The following SH2D4A variants were observed in gnomAD, a reference collection of about 807,000 sequenced individuals.
The protein encoded by SH2D4A is SH2 domain-containing protein 4A.
Under a neutral mutation model 64.7 loss-of-function variants are expected in SH2D4A, and 70 were observed. The observed-to-expected ratio is 1.08, with a 90% CI of 0.89 to 1.32. SH2D4A has a LOEUF of 1.32. Ranked by LOEUF, SH2D4A falls within the 40% of genes most tolerant of loss-of-function variation. SH2D4A has a pLI of 0.00. For synonymous variants in SH2D4A, 268 were observed against 200.7 expected (o/e 1.34, Z -2.83); for missense variants, 706 against 540.1 (o/e 1.31, Z -3.04).
intron 6 of SH2D4A, among the ~76,000 whole-genome samples, chr8:19,362,541 A>G (rs1306891862): frequency 1.3e-5 from 2 of 152,154 alleles, no homozygotes; most frequent in Non-Finnish European, 2.9e-5. Flanking sequence ...TGAGTTCAAG[A>G]CCAGCCTGGC....
At chr8:19,316,227 G>A (rs2052085461) in intron 1 of SH2D4A, among the ~76,000 whole-genome samples, 2 of 152,216 alleles carry the variant, frequency 1.3e-5, no homozygotes, top group Admixed American at 1.3e-4. Context: ...ATTCTTGGAG[G>A]CACAAGGAAG....
intron 4 of SH2D4A, among the ~76,000 whole-genome samples, chr8:19,354,458 C>T (rs1451970122): frequency 6.6e-6 from 1 of 152,174 alleles, no homozygotes; most frequent in Non-Finnish European, 1.5e-5. Context: ...CACTTTAGTG[C>T]CCAGTGACAT....
chr8:19,319,256 TC>T, intron 1 of SH2D4A, 87 bp from the exon 2 acceptor site: 1 of 1,006,694 alleles, frequency 9.9e-7, no homozygotes, highest in Non-Finnish European at 1.2e-6. Context: ...ATACTGTGTT[TC>T]CTCCTAGCTT....
chr8:19,343,099 C>T (rs2052554629), intron 4 of SH2D4A, among the ~76,000 whole-genome samples: 1 of 152,106 alleles, frequency 6.6e-6, no homozygotes, highest in African/African-American at 2.4e-5. Flanking sequence ...ATCTCATAAA[C>T]CTCTGCAACC....
At chr8:19,337,168 C>T (rs1030587116) in intron 4 of SH2D4A, among the ~76,000 whole-genome samples, 2 of 152,012 alleles carry the variant, frequency 1.3e-5, no homozygotes, top group Admixed American at 6.6e-5. Context: ...TTATCTTTCC[C>T]TGTGTCAGAG....
At position 19,364,234 on chromosome 8, in the gene SH2D4A, C is replaced by T. The variant is rs1373137822; in HGVS notation, c.869C>T (p.Pro290Leu). ...PQKPERPPLP[P>L]KPQFLNSGAY... ...AAACCAGAAAGACCTCCCCTTCCACCCAAGCCTCAGTTCCTAAACTCAGGG... is the reference window on the plus strand; with the variant it reads ...AAACCAGAAAGACCTCCCCTTCCACTCAAGCCTCAGTTCCTAAACTCAGGG... Residue 290 changes from proline to leucine, a missense_variant, in exon 7 of 10, where the codon CCC (proline) becomes CTC (leucine). Physicochemically the swap from Pro to Leu is moderately conservative, Grantham distance 98. Coordinates refer to ENST00000265807, the MANE Select transcript of SH2D4A (RefSeq NM_022071.4). 1.2e-6 allele frequency: 2 copies of T among 1,614,200 alleles called. No homozygotes were observed.
chr8:19,354,168 T>G (rs2052753998), intron 4 of SH2D4A, among the ~76,000 whole-genome samples: 2 of 151,944 alleles, frequency 1.3e-5, no homozygotes, highest in African/African-American at 4.8e-5. Context: ...TGCCAGCTAA[T>G]TTTTGTATTT....
chr8:19,373,025 G>A (rs2053130112), intron 7 of SH2D4A, among the ~76,000 whole-genome samples: 1 of 151,772 alleles, frequency 6.6e-6, no homozygotes, highest in Non-Finnish European at 1.5e-5. Flanking sequence ...AATGTGCTGG[G>A]GTAAAAGTGT....
chr8:19,372,949 A>T (rs1406545041), intron 7 of SH2D4A, among the ~76,000 whole-genome samples: 1 of 152,050 alleles, frequency 6.6e-6, no homozygotes, highest in African/African-American at 2.4e-5. Flanking sequence ...TAATGCAAAC[A>T]TTAGGAAAGA....
At chr8:19,378,089 T>C (rs796074724) in intron 8 of SH2D4A, among the ~76,000 whole-genome samples, 6 of 152,346 alleles carry the variant, frequency 3.9e-5, no homozygotes, top group African/African-American at 1.4e-4. Context: ...AGGTCTTCTG[T>C]AATTACTTAT....
chr8:19,333,110 C>A lies in SH2D4A; in HGVS notation c.337C>A (p.Pro113Thr). Reference sequence around the variant, plus strand: ...GAAAGCAGAACAGGAGGCAGAAGAGCCCAGGTATGAGATCTGCAAACCAAC... The same window carrying A: ...GAAAGCAGAACAGGAGGCAGAAGAGACCAGGTATGAGATCTGCAAACCAAC... ...RLKAEQEAEEPRKTHSEEFTN... is the reference protein window; with the variant it reads ...RLKAEQEAEETRKTHSEEFTN... Residue 113 changes from proline (P) to threonine (T), a missense_variant, in exon 3 of 10, where the codon CCC becomes ACC. Pro to Thr is a conservative substitution (Grantham distance 38, BLOSUM62 -1). Coordinates refer to ENST00000265807, the MANE Select transcript of SH2D4A (RefSeq NM_022071.4). The A allele has an allele frequency of 6.2e-7, 1 of 1,608,928 alleles. No homozygotes were observed. The highest frequency in any genetic ancestry group is 2.2e-5 in the East Asian group (1 of 44,856).
intron 7 of SH2D4A, among the ~76,000 whole-genome samples, chr8:19,366,461 C>G (rs1173110340): frequency 2.0e-5 from 3 of 152,142 alleles, no homozygotes; most frequent in African/African-American, 4.8e-5. Context: ...ACCATCCCCC[C>G]TACTCTCCCC....
intron 1 of SH2D4A, among the ~76,000 whole-genome samples, chr8:19,316,549 TCCTGGCTGGGGTGTGTGCA>T (rs1382016418): frequency 6.6e-6 from 1 of 152,202 alleles, no homozygotes; most frequent in Admixed American, 6.5e-5. Flanking sequence ...TTGCTGTCCT[TCCTGGCTGGGGTGTGTGCA>T]CCTGGCCTCC....
chr8:19,374,188 T>C (rs1229170404), intron 8 of SH2D4A, among the ~76,000 whole-genome samples: 1 of 152,208 alleles, frequency 6.6e-6, no homozygotes, highest in Non-Finnish European at 1.5e-5. Flanking sequence ...TTGCTTCCAG[T>C]ATGTAGTTGA....
Position 19,394,594 on chromosome 8 carries a change from C to T in SH2D4A, c.1317C>T (p.Pro439=), listed in dbSNP as rs755229569. The T allele has an allele frequency of 1.2e-6, 2 of 1,608,802 alleles. No homozygotes were observed. Among genetic ancestry groups the T allele is most frequent in the Admixed American group, 3.4e-5 (2 of 59,508 alleles). The stretch of plus-strand genomic sequence containing the variant: ...TGGGGAAGGAGCTCCTTCTCTATCC[C>T]TGTGGTCAGCAGGACCAGCTGCCTG... The part of the protein sequence containing the change: ...TSLGKELLLY[P]CGQQDQLPDY... The change falls in exon 10 of 10, where the codon CCC becomes CCT. Residue 439 remains proline (P), a synonymous_variant. Coordinates refer to ENST00000265807, the MANE Select transcript of SH2D4A (RefSeq NM_022071.4).
intron 6 of SH2D4A, 66 bp downstream of exon 6, chr8:19,361,380 G>A: frequency 6.7e-7 from 1 of 1,483,392 alleles, no homozygotes; most frequent in Non-Finnish European, 9.0e-7. Context: ...TTAATAATGT[G>A]ATCAATCTAG....
chr8:19,382,820 A>ATTTT (rs2053318237), intron 8 of SH2D4A, among the ~76,000 whole-genome samples: 1 of 85,906 alleles, frequency 1.2e-5, no homozygotes, highest in Non-Finnish European at 2.5e-5. Context: ...TGCTTTTAAG[A>ATTTT]TTCTTTTTTT....
At chr8:19,363,252 T>G (rs1040610299) in intron 6 of SH2D4A, among the ~76,000 whole-genome samples, 3 of 151,978 alleles carry the variant, frequency 2.0e-5, no homozygotes, top group Non-Finnish European at 4.4e-5. Flanking sequence ...ATTTTTTGTA[T>G]TTGTAGTAGA....
At chr8:19,388,642 A>C (rs2053430356) in intron 8 of SH2D4A, among the ~76,000 whole-genome samples, 1 of 152,260 alleles carries the variant, frequency 6.6e-6, no homozygotes, top group Admixed American at 6.5e-5. Context: ...GAAGTTGTAC[A>C]GATGTACCCA....
Sources: gnomAD v4.1 joint callset for allele counts (sites outside exome capture counted in the v4.1 genomes callset) on GRCh38, gnomAD v4.1.1 for gene constraint, MANE v1.5 for transcripts, NCBI Gene and HGNC (gene_info 2026-07-23, HGNC 2026-07-21) for gene names.